LRRC20: variants seen among roughly 807,000 people sequenced by gnomAD.
The protein encoded by LRRC20 is leucine rich repeat containing 20.
A neutral mutation model predicts 14.4 loss-of-function variants in LRRC20; 11 were observed. The observed-to-expected ratio is 0.77, with a 90% CI of 0.48 to 1.27. The LOEUF (loss-of-function observed/expected upper bound fraction) is 1.27, where lower values mean the gene tolerates loss of function less well. Among genes scored for constraint, LRRC20 ranks in the 50% most tolerant of loss-of-function variants. The probability of loss-of-function intolerance (pLI) is 0.00; values close to 1 mark genes in which losing one functional copy is unlikely to be tolerated. For missense variants in LRRC20, 219 were observed against 251.2 expected, an observed-to-expected ratio of 0.87 and a Z score of 0.87; for synonymous variants, 121 against 107.3, an observed-to-expected ratio of 1.13 and a Z score of -0.79.
intron 3 of LRRC20, among the ~76,000 whole-genome samples, chr10:70,329,977 C>A (rs910399225): frequency 6.6e-6 from 1 of 152,244 alleles, no homozygotes; most frequent in Non-Finnish European, 1.5e-5. Flanking sequence ...TCTTCTTATA[C>A]ATTGCCGAAT....
intron 3 of LRRC20, among the ~76,000 whole-genome samples, chr10:70,326,738 C>T (rs548247985): frequency 6.6e-5 from 10 of 151,682 alleles, no homozygotes; most frequent in East Asian, 2.0e-4. Flanking sequence ...CTGCAAGCTC[C>T]GCCTCCTGGG....
intron 4 of LRRC20, among the ~76,000 whole-genome samples, chr10:70,323,264 T>C (rs1185414154): frequency 6.6e-6 from 1 of 151,824 alleles, no homozygotes; most frequent in South Asian, 2.1e-4. Flanking sequence ...AGGAGACACA[T>C]AATCGCTGCA....
intron 2 of LRRC20, among the ~76,000 whole-genome samples, chr10:70,353,332 C>T (rs1032456410): frequency 1.2e-4 from 12 of 98,350 alleles, no homozygotes; most frequent in Non-Finnish European, 2.5e-4. Context: ...GTGCCTGCTG[C>T]TTGCAATTAG....
chr10:70,369,605 CAAAAAAAAAAAAAAAAAA>C (rs71009298), intron 2 of LRRC20, among the ~76,000 whole-genome samples: 2 of 68,564 alleles, frequency 2.9e-5, no homozygotes, highest in South Asian at 7.2e-4. Flanking sequence ...GACGCTGTCT[CAAAAAAAAAAAAAAAAAA>C]AAAAAAAAAA....
intron 4 of LRRC20, among the ~76,000 whole-genome samples, chr10:70,308,113 C>T (rs904895894): frequency 1.3e-5 from 2 of 152,176 alleles, no homozygotes; most frequent in Admixed American, 6.5e-5. Context: ...GCTCCCGGAG[C>T]CCCTCACCAC....
At chr10:70,318,624 T>G (rs1841960379) in intron 4 of LRRC20, among the ~76,000 whole-genome samples, 1 of 151,806 alleles carries the variant, frequency 6.6e-6, no homozygotes, top group African/African-American at 2.4e-5. Flanking sequence ...CATGGTGGTG[T>G]GCACCTGTGG....
At position 70,299,248 on chromosome 10, in the gene LRRC20, A is replaced by C. The variant is rs1043884; in HGVS notation, c.*2106T>G. 0.22 allele frequency: 32,738 copies of C among 152,090 alleles called. 4,161 individuals are homozygous for C. Among genetic ancestry groups the C allele is most frequent in the Non-Finnish European group, 0.28 (18,754 of 68,010 alleles). The allele number at this position is 152,090 out of a possible 1,614,324, so 9.4% of individuals were successfully genotyped here. A position where few individuals can be genotyped will look rare whatever the true frequency, so the allele number is the denominator to read the frequency against. ...CCTCATCTCCTGGTGACTGCAGGTCACACTCCCTTCTTCAGGAGTGCCATG... is the reference window on the plus strand; with the variant it reads ...CCTCATCTCCTGGTGACTGCAGGTCCCACTCCCTTCTTCAGGAGTGCCATG... On this transcript the variant is annotated 3_prime_UTR_variant, in exon 5 of 5. Coordinates refer to ENST00000446961, the MANE Select transcript of LRRC20 (RefSeq NM_001278212.2).
chr10:70,334,989 G>A (rs1424753716), intron 3 of LRRC20, among the ~76,000 whole-genome samples: 1 of 152,158 alleles, frequency 6.6e-6, no homozygotes, highest in East Asian at 1.9e-4. Flanking sequence ...GGAGCCCTCT[G>A]CAGACAGGCT....
At chr10:70,328,315 G>T (rs574295204) in intron 3 of LRRC20, among the ~76,000 whole-genome samples, 7 of 147,902 alleles carry the variant, frequency 4.7e-5, no homozygotes, top group African/African-American at 1.5e-4. Flanking sequence ...TTTTTTTTTT[G>T]AGATGGAGTT....
intron 2 of LRRC20, among the ~76,000 whole-genome samples, chr10:70,352,562 G>A (rs1843350958): frequency 6.6e-6 from 1 of 152,162 alleles, no homozygotes; most frequent in Non-Finnish European, 1.5e-5. Context: ...ACCCTAATGT[G>A]AACCATGGAC....
chr10:70,325,221 G>T (rs576225371), intron 3 of LRRC20, among the ~76,000 whole-genome samples: 3 of 152,204 alleles, frequency 2.0e-5, no homozygotes, highest in Non-Finnish European at 4.4e-5. Flanking sequence ...CCCGCACTTG[G>T]GGTGGAATGC....
chr10:70,301,028 A>C lies in LRRC20; in HGVS notation c.*326T>G. ...ACTTGGAGGCACGTACTGCTTAAAAACCTCCAGGGAGCCCAAAGGAGGGAA... is the reference window on the plus strand; with the variant it reads ...ACTTGGAGGCACGTACTGCTTAAAACCCTCCAGGGAGCCCAAAGGAGGGAA... On this transcript the variant is annotated 3_prime_UTR_variant, in exon 5 of 5. Coordinates refer to ENST00000446961, the MANE Select transcript of LRRC20 (RefSeq NM_001278212.2). 1 of 1,094,816 alleles carries C rather than the reference A, an allele frequency of 9.1e-7. No individual in the cohort carries two copies. Among genetic ancestry groups the C allele is most frequent in the Non-Finnish European group, 1.1e-6 (1 of 901,206 alleles). The allele number at this position is 1,094,816 out of a possible 1,614,324, so 67.8% of individuals were successfully genotyped here. A position where few individuals can be genotyped will look rare whatever the true frequency, so the allele number is the denominator to read the frequency against.
Position 70,340,705 on chromosome 10 carries a change from G to A in LRRC20, c.83-3C>T. The A allele has an allele frequency of 1.2e-6, 2 of 1,614,104 alleles. No individual in the cohort carries two copies. The highest frequency in any genetic ancestry group is 1.1e-5 in the South Asian group (1 of 91,074). ...GACCAGCTTGCACTCGGCCAGGTCT[G>A]CAGCCAAAGAACAAAAACAAACCAG... On this transcript the variant is annotated splice_region_variant and splice_polypyrimidine_tract_variant and intron_variant, in intron 2 of 4. Transcript: ENST00000446961.
intron 2 of LRRC20, among the ~76,000 whole-genome samples, chr10:70,345,182 A>G (rs1234476462): frequency 6.6e-6 from 1 of 152,222 alleles, no homozygotes; most frequent in Non-Finnish European, 1.5e-5. Flanking sequence ...AGTTCAAAAA[A>G]TATAGTCCAG....
chr10:70,374,339 C>A (rs1055770828), intron 2 of LRRC20, among the ~76,000 whole-genome samples: 5 of 133,404 alleles, frequency 3.7e-5, no homozygotes, highest in African/African-American at 1.4e-4. Flanking sequence ...GTGTCCCTAT[C>A]CCCTGTGAAG....
intron 4 of LRRC20, among the ~76,000 whole-genome samples, chr10:70,318,473 G>A (rs751612956): frequency 1.3e-5 from 2 of 152,216 alleles, no homozygotes; most frequent in Non-Finnish European, 2.9e-5. Flanking sequence ...AGTGCCGCTA[G>A]CCAGGTACAG....
At position 70,353,983 on chromosome 10, in the gene LRRC20, A is replaced by G. The variant is rs541360374; in HGVS notation, c.83-13281T>C. ...GAGCTGGTGAAAGAGTCATCAGGGT[A>G]TCAACAGCCTGGATTTGTCACTTAC... On this transcript the variant is annotated intron_variant, in intron 2 of 4. Transcript: ENST00000446961. 3.3e-5 allele frequency among the ~76,000 whole-genome samples: 5 copies of G among 152,316 alleles called. No individual in the cohort carries two copies. The East Asian group carries it at 5.8e-4, about 18-fold the overall frequency.
At chr10:70,349,986 T>A (rs1843234354) in intron 2 of LRRC20, among the ~76,000 whole-genome samples, 1 of 151,904 alleles carries the variant, frequency 6.6e-6, no homozygotes, top group Non-Finnish European at 1.5e-5. Flanking sequence ...AACCCAGGAG[T>A]GAGCCACAGC....
chr10:70,355,474 C>T (rs1489264359), intron 2 of LRRC20, among the ~76,000 whole-genome samples: 1 of 152,132 alleles, frequency 6.6e-6, no homozygotes, highest in Non-Finnish European at 1.5e-5. Flanking sequence ...GAAAGTCCCA[C>T]CGCAATAGCA....
Sources: allele counts gnomAD v4.1 joint callset (sites outside exome capture counted in the v4.1 genomes callset), GRCh38; gene constraint gnomAD v4.1.1; transcripts MANE v1.5; gene names NCBI Gene and HGNC (gene_info 2026-07-23, HGNC 2026-07-21).